The following DLG2 variants were observed in gnomAD, a reference collection of about 807,000 sequenced individuals.
The protein encoded by DLG2 is disks large homolog 2.
Under a neutral mutation model 132.5 loss-of-function variants are expected in DLG2, and 45 were observed. That is an observed-to-expected ratio of 0.34 (90% confidence interval 0.27 to 0.44). The LOEUF (loss-of-function observed/expected upper bound fraction) is 0.44. Among genes scored for constraint, DLG2 ranks in the 20% least tolerant of loss-of-function variants. The probability of loss-of-function intolerance (pLI) is 1.00; values close to 1 mark genes in which losing one functional copy is unlikely to be tolerated. For synonymous variants in DLG2, 424 were observed against 419.6 expected (o/e 1.01, Z -0.13); for missense variants, 1,045 against 1,196.9 (o/e 0.87, Z 1.87).
chr11:84,652,808 C>T (rs2099683663), intron 6 of DLG2, among the ~76,000 whole-genome samples: 1 of 152,082 alleles, frequency 6.6e-6, no homozygotes, highest in East Asian at 1.9e-4. Flanking sequence ...GTGACTTACC[C>T]AATGCACAGA....
At chr11:84,413,923 C>T (rs934848322) in intron 7 of DLG2, among the ~76,000 whole-genome samples, 1 of 152,088 alleles carries the variant, frequency 6.6e-6, no homozygotes, top group Admixed American at 6.6e-5. Flanking sequence ...CAATTTCATT[C>T]AAGGGTATAG....
intron 5 of DLG2, chr11:85,132,664 T>A: frequency 2.2e-6 from 1 of 452,076 alleles, no homozygotes; most frequent in Non-Finnish European, 4.5e-6. Context: ...TACTAATCAT[T>A]TTCTCTCATG....
intron 4 of DLG2, among the ~76,000 whole-genome samples, chr11:85,231,332 C>T (rs2075288998): frequency 6.6e-6 from 1 of 151,932 alleles, no homozygotes; most frequent in African/African-American, 2.4e-5. Flanking sequence ...ATCTACTCTG[C>T]TGTTAAGCCC....
chr11:84,297,367 G>A (rs1461661228), intron 7 of DLG2, among the ~76,000 whole-genome samples: 1 of 151,924 alleles, frequency 6.6e-6, no homozygotes, highest in African/African-American at 2.4e-5. Flanking sequence ...AAGATGTTTT[G>A]ACTCCAGGAA....
chr11:85,561,367 A>AAAAAAAAAAAAAG (rs1213087706), intron 3 of DLG2, among the ~76,000 whole-genome samples: 1 of 143,940 alleles, frequency 6.9e-6, no homozygotes, highest in Non-Finnish European at 1.5e-5. Flanking sequence ...AAAAAAAAAA[A>AAAAAAAAAAAAAG]ATAGCTGTGT....
chr11:85,486,741 C>T (rs1319022232), intron 3 of DLG2, among the ~76,000 whole-genome samples: 1 of 152,084 alleles, frequency 6.6e-6, no homozygotes, highest in Non-Finnish European at 1.5e-5. Context: ...ACTGCCATCA[C>T]CCTTATCACA....
intron 6 of DLG2, among the ~76,000 whole-genome samples, chr11:84,599,811 C>T (rs138564844): frequency 0.015 from 2,350 of 151,988 alleles, 69 homozygotes; most frequent in African/African-American, 0.054. Context: ...GCAGGCAGAT[C>T]GCTTGAGCCC....
chr11:83,974,402 A>C (rs2091887117), intron 12 of DLG2, among the ~76,000 whole-genome samples: 1 of 152,054 alleles, frequency 6.6e-6, no homozygotes. Context: ...TCAAATAAAA[A>C]TAAGATATGC....
At chr11:85,386,700 A>C (rs1383463493) in intron 3 of DLG2, among the ~76,000 whole-genome samples, 1 of 151,970 alleles carries the variant, frequency 6.6e-6, no homozygotes, top group East Asian at 1.9e-4. Flanking sequence ...TATATCCTTT[A>C]AAAGAAAGGA....
At chr11:84,233,648 C>T (rs1331154154) in intron 8 of DLG2, among the ~76,000 whole-genome samples, 4 of 152,210 alleles carry the variant, frequency 2.6e-5, no homozygotes, top group Non-Finnish European at 5.9e-5. Flanking sequence ...CACACCTGGT[C>T]TAACCAGTTT....
intron 4 of DLG2, among the ~76,000 whole-genome samples, chr11:85,275,446 T>A (rs2077829265): frequency 6.6e-6 from 1 of 152,174 alleles, no homozygotes; most frequent in Non-Finnish European, 1.5e-5. Flanking sequence ...CTTACAAATC[T>A]GTCATATTTA....
intron 15 of DLG2, among the ~76,000 whole-genome samples, chr11:83,884,080 AGACAGTGGGTACAG>A (rs1353968708): frequency 1.3e-5 from 2 of 152,190 alleles, no homozygotes; most frequent in African/African-American, 4.8e-5. Flanking sequence ...AGGGAGTGCC[AGACAGTGGGTACAG>A]GACAGTGGGT....
chr11:84,296,929 A>G (rs915366707), intron 7 of DLG2, among the ~76,000 whole-genome samples: 2 of 152,132 alleles, frequency 1.3e-5, no homozygotes, highest in African/African-American at 4.8e-5. Flanking sequence ...ATCTTTCATG[A>G]AAGTATTAGA....
chr11:85,116,822 G>A (rs1231872842), intron 5 of DLG2, among the ~76,000 whole-genome samples: 1 of 151,944 alleles, frequency 6.6e-6, no homozygotes, highest in Non-Finnish European at 1.5e-5. Context: ...TATCTATAAT[G>A]TAATATAATG....
At chr11:84,692,052 T>C (rs772903785) in intron 6 of DLG2, among the ~76,000 whole-genome samples, 5 of 151,760 alleles carry the variant, frequency 3.3e-5, no homozygotes, top group Non-Finnish European at 7.4e-5. Context: ...ACTTATTGCA[T>C]GTTTTTCTCC....
chr11:84,714,599 T>TCTCTCTCTCTCTC (rs1565749771), intron 6 of DLG2, among the ~76,000 whole-genome samples: 1 of 83,554 alleles, frequency 1.2e-5, no homozygotes, highest in African/African-American at 6.3e-5. Context: ...TTCTCTTTCT[T>TCTCTCTCTCTCTC]TCTCTTTCTC....
At chr11:84,485,351 G>C (rs2099148119) in intron 7 of DLG2, among the ~76,000 whole-genome samples, 1 of 152,076 alleles carries the variant, frequency 6.6e-6, no homozygotes, top group African/African-American at 2.4e-5. Flanking sequence ...GCCAAAGTGA[G>C]TCATGTGTAA....
At chr11:84,897,320 C>T (rs1379625378) in intron 6 of DLG2, among the ~76,000 whole-genome samples, 2 of 151,762 alleles carry the variant, frequency 1.3e-5, no homozygotes, top group Non-Finnish European at 2.9e-5. Context: ...TAATAAGTCA[C>T]AAAGTACATA....
chr11:84,521,708 A>G (rs2099301675), intron 7 of DLG2, among the ~76,000 whole-genome samples: 1 of 152,244 alleles, frequency 6.6e-6, no homozygotes, highest in Admixed American at 6.5e-5. Context: ...TTGAATGAGT[A>G]GCGGCAGCTC....
Sources: gnomAD v4.1 joint callset for allele counts (sites outside exome capture counted in the v4.1 genomes callset) on GRCh38, gnomAD v4.1.1 for gene constraint, MANE v1.5 for transcripts, NCBI Gene and HGNC (gene_info 2026-07-23, HGNC 2026-07-21) for gene names.